Variants in DAB1 observed in about 807,000 individuals in gnomAD.
The protein encoded by DAB1 is disabled homolog 1.
A neutral mutation model predicts 64.6 loss-of-function variants in DAB1; 15 were observed. That is an observed-to-expected ratio of 0.23 (90% CI 0.16 to 0.36). The LOEUF is 0.36. Among genes scored for constraint, DAB1 ranks in the 10% least tolerant of loss-of-function variants. The pLI, the probability that DAB1 is intolerant of heterozygous loss-of-function variation, is 1.00. For missense variants in DAB1, 596 were observed against 706.7 expected (o/e 0.84, Z 1.78); for synonymous variants, 235 against 251.9 (o/e 0.93, Z 0.64).
chr1:57,359,732 C>T (rs1679397431), intron 1 of DAB1, among the ~76,000 whole-genome samples: 1 of 152,018 alleles, frequency 6.6e-6, no homozygotes, highest in South Asian at 2.1e-4. Context: ...GTGGTATATA[C>T]ACAATGTAAT....
rs546133273 is a variant in DAB1, at chr1:58,081,911, T to C, written n.387+68600A>G. On this transcript the variant is annotated intron_variant and non_coding_transcript_variant, in intron 5 of 20. Coordinates refer to the DAB1 transcript ENST00000485760. Reference sequence around the variant, plus strand: ...TCAGATGCTTGCATTTCCTAGCTAATACTGTCACAAGACATTGAAATGGTA... The same window carrying C: ...TCAGATGCTTGCATTTCCTAGCTAACACTGTCACAAGACATTGAAATGGTA... Among the ~76,000 whole-genome samples, 60 of 152,322 alleles carry C rather than the reference T, an allele frequency of 3.9e-4. 1 individual carries two copies. The highest frequency in any genetic ancestry group is 9.1e-4 in the Admixed American group (14 of 15,304).
chr1:58,114,895 T>C (rs1652228029), intron 5 of DAB1, among the ~76,000 whole-genome samples: 2 of 152,176 alleles, frequency 1.3e-5, no homozygotes, highest in African/African-American at 2.4e-5. Context: ...CGCCCATCAT[T>C]TGTTAAAAAA....
intron 4 of DAB1, among the ~76,000 whole-genome samples, chr1:58,339,759 C>T (rs1396951885): frequency 6.6e-6 from 1 of 152,150 alleles, no homozygotes; most frequent in African/African-American, 2.4e-5. Flanking sequence ...TTCTGGAAGA[C>T]TTTAAGATAA....
At chr1:58,218,930 A>G (rs976040506) in intron 4 of DAB1, among the ~76,000 whole-genome samples, 15 of 151,334 alleles carry the variant, frequency 9.9e-5, no homozygotes, top group African/African-American at 3.4e-4. Flanking sequence ...TATTTAAGAC[A>G]GGGTTATACA....
At chr1:58,239,511 C>T (rs1260235981) in intron 4 of DAB1, among the ~76,000 whole-genome samples, 1 of 152,088 alleles carries the variant, frequency 6.6e-6, no homozygotes, top group African/African-American at 2.4e-5. Flanking sequence ...AAACCCAATC[C>T]CAGAACCTGT....
chr1:57,299,422 C>A (rs2100693341), intron 1 of DAB1, among the ~76,000 whole-genome samples: 1 of 152,288 alleles, frequency 6.6e-6, no homozygotes, highest in Admixed American at 6.5e-5. Flanking sequence ...GGAGGGAATA[C>A]AATGTGTTTC....
intron 9 of DAB1, among the ~76,000 whole-genome samples, chr1:57,060,167 T>TTTATTTTA (rs1179994574): frequency 2.8e-4 from 40 of 144,956 alleles, no homozygotes; most frequent in African/African-American, 1.1e-3. Flanking sequence ...TTTATTTTAT[T>TTTATTTTA]TGAGACGGAG....
chr1:57,226,155 A>G (rs1285658108), intron 2 of DAB1, among the ~76,000 whole-genome samples: 1 of 152,208 alleles, frequency 6.6e-6, no homozygotes, highest in Non-Finnish European at 1.5e-5. Flanking sequence ...CTCAATATTT[A>G]AGTACATCAT....
At chr1:57,474,324 T>C (rs1485002820) in intron 7 of DAB1, among the ~76,000 whole-genome samples, 1 of 152,196 alleles carries the variant, frequency 6.6e-6, no homozygotes, top group Non-Finnish European at 1.5e-5. Context: ...GGAAAATGAA[T>C]GATGCCTCTG....
intron 5 of DAB1, among the ~76,000 whole-genome samples, chr1:58,041,820 A>C (rs113812088): frequency 1.3e-5 from 2 of 152,174 alleles, no homozygotes; most frequent in African/African-American, 4.8e-5. Flanking sequence ...GAATGCTTTG[A>C]TCAACTAGCC....
chr1:57,674,239 A>G (rs2101687794), intron 6 of DAB1, among the ~76,000 whole-genome samples: 1 of 152,314 alleles, frequency 6.6e-6, no homozygotes, highest in Middle Eastern at 3.4e-3. Flanking sequence ...TCTCATTACA[A>G]GTCCAGCACA....
intron 4 of DAB1, among the ~76,000 whole-genome samples, chr1:57,106,671 C>A (rs1655188288): frequency 6.6e-6 from 1 of 152,084 alleles, no homozygotes; most frequent in Non-Finnish European, 1.5e-5. Context: ...TCCCTTTGAT[C>A]CAACCGTAGG....
intron 6 of DAB1, among the ~76,000 whole-genome samples, chr1:57,711,231 T>C (rs1647025809): frequency 1.3e-5 from 2 of 152,224 alleles, no homozygotes; most frequent in Admixed American, 1.3e-4. Flanking sequence ...ACTAAATGTT[T>C]CCCAAAGTTA....
intron 9 of DAB1, among the ~76,000 whole-genome samples, chr1:57,028,849 G>T (rs1222455186): frequency 6.6e-6 from 1 of 152,094 alleles, no homozygotes; most frequent in Non-Finnish European, 1.5e-5. Context: ...CTTGGGTGCT[G>T]TTAAAAGCAT....
chr1:57,588,873 GGTT>G (rs1645410459), intron 7 of DAB1, among the ~76,000 whole-genome samples: 1 of 152,206 alleles, frequency 6.6e-6, no homozygotes, highest in African/African-American at 2.4e-5. Flanking sequence ...GTTCATCATT[GGTT>G]GAGGGAAGAT....
intron 6 of DAB1, among the ~76,000 whole-genome samples, chr1:57,668,809 A>G (rs1422963889): frequency 6.6e-6 from 1 of 152,152 alleles, no homozygotes; most frequent in East Asian, 1.9e-4. Context: ...TCCATGTCTG[A>G]AGATCCGATC....
chr1:58,411,389 G>A (rs338902), intron 3 of DAB1, among the ~76,000 whole-genome samples: 8 of 152,028 alleles, frequency 5.3e-5, no homozygotes, highest in African/African-American at 1.9e-4. Context: ...ATAATACTTT[G>A]AAGCTGGCAT....
intron 7 of DAB1, among the ~76,000 whole-genome samples, chr1:57,436,208 T>C (rs115619652): frequency 0.16 from 24,827 of 151,770 alleles, 2,189 homozygotes; most frequent in African/African-American, 0.23. Flanking sequence ...TGAGCCACCA[T>C]GCCCGGCTGT....
chr1:57,120,777 G>A (rs1656565663), intron 4 of DAB1, among the ~76,000 whole-genome samples: 1 of 152,160 alleles, frequency 6.6e-6, no homozygotes. Flanking sequence ...AATGAGGCAT[G>A]TGTCAGAATT....
Sources: gnomAD v4.1 joint callset for allele counts (sites outside exome capture counted in the v4.1 genomes callset) on GRCh38, gnomAD v4.1.1 for gene constraint, MANE v1.5 for transcripts, NCBI Gene and HGNC (gene_info 2026-07-23, HGNC 2026-07-21) for gene names.